Variants in SAMTOR observed in about 807,000 individuals in gnomAD.
The protein encoded by SAMTOR is UPF0532 protein C7orf60.
the SAMTOR span, among the ~76,000 whole-genome samples, chr7:112,855,172 T>G: frequency 6.6e-6 from 1 of 152,234 alleles, no homozygotes; most frequent in East Asian, 1.9e-4. Flanking sequence ...TTAATACTTA[T>G]GCTTTCTATA....
chr7:112,853,224 A>AAAATTTACAGCC, the SAMTOR span, among the ~76,000 whole-genome samples: 2 of 152,068 alleles, frequency 1.3e-5, no homozygotes, highest in African/African-American at 4.8e-5. Flanking sequence ...TTATAACTTA[A>AAAATTTACAGCC]CTTATAACTT....
At chr7:112,857,077 ATC>A in the SAMTOR span, among the ~76,000 whole-genome samples, 1 of 147,258 alleles carries the variant, frequency 6.8e-6, no homozygotes, top group Non-Finnish European at 1.5e-5. Flanking sequence ...TGTTCTTTTA[ATC>A]TTTTTTTTTT....
the SAMTOR span, among the ~76,000 whole-genome samples, chr7:112,839,304 T>C: frequency 6.6e-6 from 1 of 151,898 alleles, no homozygotes; most frequent in Non-Finnish European, 1.5e-5. Context: ...AAGATGTTTT[T>C]ACAAAAGAAT....
chr7:112,858,113 T>C, the SAMTOR span, among the ~76,000 whole-genome samples: 2 of 152,304 alleles, frequency 1.3e-5, no homozygotes, highest in Admixed American at 1.3e-4. Flanking sequence ...TCTACCCATG[T>C]GAATGGCTTA....
At chr7:112,872,967 C>G in the SAMTOR span, among the ~76,000 whole-genome samples, 2 of 150,032 alleles carry the variant, frequency 1.3e-5, no homozygotes, top group Non-Finnish European at 3.0e-5. Context: ...ACCCACACAC[C>G]CACACACACA....
chr7:112,939,756 AGCCGCCGCCGCC>A, the SAMTOR span: 5 of 1,586,150 alleles, frequency 3.2e-6, no homozygotes, highest in Non-Finnish European at 4.3e-6. Flanking sequence ...TCCATATCGC[AGCCGCCGCCGCC>A]GCCGCCGCCC....
chr7:112,908,006 A>G, the SAMTOR span, among the ~76,000 whole-genome samples: 1 of 152,182 alleles, frequency 6.6e-6, no homozygotes, highest in Non-Finnish European at 1.5e-5. Flanking sequence ...ATACAATGAC[A>G]AAAATACAAA....
At chr7:112,823,864 A>G in the SAMTOR span, among the ~76,000 whole-genome samples, 1 of 152,172 alleles carries the variant, frequency 6.6e-6, no homozygotes, top group Non-Finnish European at 1.5e-5. Context: ...AGTAATTGTA[A>G]TAGATGTGTA....
chr7:112,870,811 A>G, the SAMTOR span, among the ~76,000 whole-genome samples: 12 of 151,330 alleles, frequency 7.9e-5, no homozygotes, highest in Non-Finnish European at 1.8e-4. Context: ...CATGTAATAC[A>G]CAGTCTCAAA....
the SAMTOR span, among the ~76,000 whole-genome samples, chr7:112,902,416 C>CAAAAAAAAAAAAAAAAAAAAAA: frequency 1.4e-3 from 17 of 12,304 alleles, 3 homozygotes; most frequent in South Asian, 5.5e-3. Context: ...AACTCCGTCT[C>CAAAAAAAAAAAAAAAAAAAAAA]AAAAAAAAAA....
At chr7:112,909,787 T>C in the SAMTOR span, among the ~76,000 whole-genome samples, 2 of 151,756 alleles carry the variant, frequency 1.3e-5, no homozygotes, top group African/African-American at 4.8e-5. Context: ...TAAAACAAAG[T>C]TGTTAAGCAA....
chr7:112,840,882 C>A, the SAMTOR span, among the ~76,000 whole-genome samples: 186 of 151,968 alleles, frequency 1.2e-3, no homozygotes, highest in African/African-American at 3.8e-3. Flanking sequence ...AAATTCAACA[C>A]CCCTTCATGC....
chr7:112,856,022 G>C, the SAMTOR span, among the ~76,000 whole-genome samples: 2 of 151,952 alleles, frequency 1.3e-5, no homozygotes, highest in Non-Finnish European at 2.9e-5. Context: ...TAAGTGTTTC[G>C]TGTGTGTATA....
chr7:112,832,963 G>A, the SAMTOR span, among the ~76,000 whole-genome samples: 4 of 152,202 alleles, frequency 2.6e-5, no homozygotes, highest in Non-Finnish European at 5.9e-5. Flanking sequence ...TAAAAATTGA[G>A]ACAAGGTCTT....
At chr7:112,939,677 C>G in the SAMTOR span, 2 of 1,613,162 alleles carry the variant, frequency 1.2e-6, no homozygotes, top group Non-Finnish European at 8.5e-7. Flanking sequence ...CTCCTGCTCC[C>G]GGGGCGGCGG....
At chr7:112,889,078 C>T in the SAMTOR span, among the ~76,000 whole-genome samples, 1 of 152,080 alleles carries the variant, frequency 6.6e-6, no homozygotes, top group African/African-American at 2.4e-5. Flanking sequence ...AATAACAATG[C>T]CTAGTAAAAA....
At chr7:112,880,161 G>T in the SAMTOR span, among the ~76,000 whole-genome samples, 3 of 152,070 alleles carry the variant, frequency 2.0e-5, no homozygotes, top group African/African-American at 7.2e-5. Context: ...TCACATTATA[G>T]AAACCTGGAT....
the SAMTOR span, among the ~76,000 whole-genome samples, chr7:112,926,418 A>T: frequency 1.3e-5 from 2 of 152,202 alleles, no homozygotes. Flanking sequence ...TTCATACTCA[A>T]CAAAATTCTC....
chr7:112,829,466 T>A, the SAMTOR span, among the ~76,000 whole-genome samples: 1 of 152,246 alleles, frequency 6.6e-6, no homozygotes, highest in African/African-American at 2.4e-5. Flanking sequence ...GTATTATCTC[T>A]ATTTTAATGT....
Sources: gnomAD v4.1 joint callset for allele counts (sites outside exome capture counted in the v4.1 genomes callset) on GRCh38, gnomAD v4.1.1 for gene constraint, MANE v1.5 for transcripts, NCBI Gene and HGNC (gene_info 2026-07-23, HGNC 2026-07-21) for gene names.